The following DOCK2 variants were observed in gnomAD, a reference collection of about 807,000 sequenced individuals.
DOCK2 encodes the protein dedicator of cytokinesis 2, also known as dedicator of cytokinesis protein 2.
In DOCK2, 87 loss-of-function variants were observed where a neutral mutation model predicts 248.9. The ratio of observed to expected loss-of-function variants is 0.35; its 90% CI spans 0.29 to 0.42. The LOEUF (loss-of-function observed/expected upper bound fraction) is 0.42. DOCK2 is among the 10% of genes least tolerant of loss of function. The probability of loss-of-function intolerance (pLI) is 1.00; values close to 1 mark genes in which losing one functional copy is unlikely to be tolerated. For missense variants in DOCK2, 1,747 were observed against 2,300.2 expected, an observed-to-expected ratio of 0.76 and a Z score of 4.92; for synonymous variants, 805 against 821.6, an observed-to-expected ratio of 0.98 and a Z score of 0.35.
intron 23 of DOCK2, among the ~76,000 whole-genome samples, chr5:169,752,221 G>A (rs1179335773): frequency 6.6e-6 from 1 of 152,114 alleles, no homozygotes; most frequent in Non-Finnish European, 1.5e-5. Context: ...CTCTCCTTAC[G>A]ATCCATGGTA....
At position 169,788,369 on chromosome 5, in the gene DOCK2, G is replaced by A. The variant is rs1463730023; in HGVS notation, c.2555-14689G>A. On this transcript the variant is annotated intron_variant, in intron 25 of 51. Transcript: ENST00000520908. ...TTTATTTTTTTTATGTTTCACAAGA[G>A]CACTAAACACAGTCAAGTGACTTGA... Among the ~76,000 whole-genome samples, 3 of 152,126 alleles carry A rather than the reference G, an allele frequency of 2.0e-5. 1 individual carries two copies. Among genetic ancestry groups the A allele is most frequent in the Admixed American group, 1.3e-4 (2 of 15,262 alleles).
At chr5:169,665,437 C>G (rs1561580462) in intron 2 of DOCK2, among the ~76,000 whole-genome samples, 1 of 71,946 alleles carries the variant, frequency 1.4e-5, no homozygotes, top group Non-Finnish European at 3.4e-5. Context: ...TGTATATACA[C>G]ATGTTTATAT....
chr5:170,009,464 G>A (rs1755200501), intron 32 of DOCK2, among the ~76,000 whole-genome samples: 1 of 152,226 alleles, frequency 6.6e-6, no homozygotes, highest in Non-Finnish European at 1.5e-5. Flanking sequence ...CACAAGGACA[G>A]GGGCTATAAA....
intron 23 of DOCK2, among the ~76,000 whole-genome samples, chr5:169,753,442 A>T (rs974205154): frequency 1.3e-5 from 2 of 151,566 alleles, no homozygotes; most frequent in Non-Finnish European, 2.9e-5. Flanking sequence ...GAGCGAGAAC[A>T]TTTGGTATAA....
Position 170,045,872 on chromosome 5 carries a change from G to A in DOCK2, c.3933G>A (p.Glu1311=), listed in dbSNP as rs777109349. Residue 1311 remains glutamate (E), a synonymous_variant, in exon 39 of 52, where the codon GAG becomes GAA. Transcript: ENST00000520908. ...AGCTGGCGGAACAGTACGAGATGGA[G>A]ATCTTTGACTATGAGCTGCTCAGCC... ...CKELAEQYEM[E]IFDYELLSQN... 1.2e-6 allele frequency: 2 copies of A among 1,614,190 alleles called. No homozygotes were observed. Among genetic ancestry groups the A allele is most frequent in the South Asian group, 1.1e-5 (1 of 91,084 alleles).
chr5:169,867,196 T>C (rs576043997), intron 27 of DOCK2, among the ~76,000 whole-genome samples: 1 of 152,334 alleles, frequency 6.6e-6, no homozygotes, highest in South Asian at 2.1e-4. Context: ...TCCTCCAGGG[T>C]ATGGGCAGGA....
chr5:169,787,956 C>A (rs1286608353), intron 25 of DOCK2, among the ~76,000 whole-genome samples: 1 of 152,026 alleles, frequency 6.6e-6, no homozygotes, highest in South Asian at 2.1e-4. Flanking sequence ...TTGTAGGGGG[C>A]AGCCGCATCC....
At chr5:169,730,503 G>A (rs1434991394) in intron 22 of DOCK2, among the ~76,000 whole-genome samples, 7 of 152,200 alleles carry the variant, frequency 4.6e-5, no homozygotes, top group Non-Finnish European at 8.8e-5. Flanking sequence ...ACTGCTCAGA[G>A]GGGATTTAAC....
intron 32 of DOCK2, among the ~76,000 whole-genome samples, chr5:170,013,337 C>A (rs1440623942): frequency 6.6e-6 from 1 of 152,030 alleles, no homozygotes; most frequent in Non-Finnish European, 1.5e-5. Flanking sequence ...TGTCCTAATC[C>A]CCAGAACCTG....
At chr5:169,843,642 A>G (rs1436293245) in intron 27 of DOCK2, among the ~76,000 whole-genome samples, 1 of 152,238 alleles carries the variant, frequency 6.6e-6, no homozygotes, top group Non-Finnish European at 1.5e-5. Flanking sequence ...TAGTTATGCA[A>G]CCATCACCGT....
At chr5:169,654,333 A>G in intron 1 of DOCK2, 70 bp from the exon 2 acceptor site, 1 of 1,564,352 alleles carries the variant, frequency 6.4e-7, no homozygotes, top group Non-Finnish European at 8.8e-7. Context: ...TGAGGCAGGG[A>G]AAGCAGGAAG....
chr5:169,725,258 A>G (rs1257843055), intron 22 of DOCK2, among the ~76,000 whole-genome samples: 1 of 152,214 alleles, frequency 6.6e-6, no homozygotes, highest in Non-Finnish European at 1.5e-5. Context: ...CTATTTTATG[A>G]TAGCATTAAC....
intron 8 of DOCK2, among the ~76,000 whole-genome samples, chr5:169,686,459 C>T (rs1319539280): frequency 6.6e-6 from 1 of 152,020 alleles, no homozygotes; most frequent in Non-Finnish European, 1.5e-5. Flanking sequence ...CGAGGGCCAG[C>T]CCAGGGAGAG....
At chr5:169,945,468 C>T (rs970622294) in intron 27 of DOCK2, among the ~76,000 whole-genome samples, 6 of 152,258 alleles carry the variant, frequency 3.9e-5, no homozygotes, top group African/African-American at 9.6e-5. Context: ...GCTGTTACTT[C>T]GTGCCTGGCA....
intron 27 of DOCK2, among the ~76,000 whole-genome samples, chr5:169,971,443 T>TCA (rs1777505588): frequency 6.6e-6 from 1 of 151,234 alleles, no homozygotes; most frequent in African/African-American, 2.4e-5. Context: ...TTTTTTTTTT[T>TCA]TTTCATGAAA....
At chr5:169,978,390 T>G (rs113011664) in intron 27 of DOCK2, among the ~76,000 whole-genome samples, 658 of 16,480 alleles carry the variant, frequency 0.04, 109 homozygotes, top group Non-Finnish European at 0.068. Context: ...TGTGTGTGTG[T>G]GTGGGGGGGG....
rs183797241 is a variant in DOCK2 at position 169,940,971 on chromosome 5, C to T, written c.2800-42097C>T. Among the ~76,000 whole-genome samples the T allele has an allele frequency of 1.1e-4, 16 of 152,222 alleles. No individual in the cohort carries two copies. The East Asian group carries it at 2.9e-3, about 28-fold the overall frequency. ...GCCGATAGTGCCATGGCTGAGAGAC[C>T]CTGTTCCATACTAATTCTTAGATAA... On this transcript the variant is annotated intron_variant, in intron 27 of 51. Transcript: ENST00000520908.
intron 33 of DOCK2, among the ~76,000 whole-genome samples, chr5:170,021,305 T>G (rs1755717423): frequency 6.6e-6 from 1 of 152,204 alleles, no homozygotes; most frequent in Admixed American, 6.5e-5. Flanking sequence ...TGGGACCACG[T>G]AAAGGGCACA....
chr5:169,885,466 C>A (rs1014596208), intron 27 of DOCK2, among the ~76,000 whole-genome samples: 8 of 152,346 alleles, frequency 5.3e-5, no homozygotes, highest in African/African-American at 1.9e-4. Context: ...GACCTGTGAA[C>A]TCGTTCTGCT....
Sources: gnomAD v4.1 joint callset for allele counts (sites outside exome capture counted in the v4.1 genomes callset) on GRCh38, gnomAD v4.1.1 for gene constraint, MANE v1.5 for transcripts, NCBI Gene and HGNC (gene_info 2026-07-23, HGNC 2026-07-21) for gene names.